The following DEPTOR variants were observed in gnomAD, a reference collection of about 807,000 sequenced individuals.
The protein encoded by DEPTOR is DEP domain containing MTOR interacting protein.
DEPTOR carries 41 observed loss-of-function variants against 41.6 expected under a neutral mutation model. The observed-to-expected ratio is 0.98, with a 90% CI of 0.77 to 1.28. The LOEUF is 1.28. DEPTOR is among the 50% of genes most tolerant of loss of function. DEPTOR has a pLI of 0.00. For synonymous variants in DEPTOR, 195 were observed against 192.3 expected (o/e 1.01, Z -0.12); for missense variants, 514 against 527.9 (o/e 0.97, Z 0.26).
At chr8:119,903,572 C>T (rs192782559) in intron 1 of DEPTOR, among the ~76,000 whole-genome samples, 2 of 152,278 alleles carry the variant, frequency 1.3e-5, no homozygotes, top group East Asian at 3.9e-4. Flanking sequence ...AATCCAGCTC[C>T]TTTAAAGGAC....
chr8:119,991,120 T>G (rs7836124), intron 4 of DEPTOR, among the ~76,000 whole-genome samples: 1 of 76,206 alleles, frequency 1.3e-5, no homozygotes. Context: ...TTCTTTCTTT[T>G]TTTTTTAAAT....
intron 1 of DEPTOR, among the ~76,000 whole-genome samples, chr8:119,915,407 G>A (rs1451783163): frequency 6.6e-6 from 1 of 152,218 alleles, no homozygotes; most frequent in African/African-American, 2.4e-5. Flanking sequence ...GCAATGCAGT[G>A]TCTTTCTCAA....
chr8:119,929,195 T>C (rs1180004915), intron 2 of DEPTOR, among the ~76,000 whole-genome samples: 2 of 152,232 alleles, frequency 1.3e-5, no homozygotes, highest in Admixed American at 6.5e-5. Flanking sequence ...ACATGTCTTC[T>C]TGAAATCTCT....
chr8:119,928,520 C>G lies in DEPTOR; in HGVS notation c.243C>G (p.Asp81Glu). 6.2e-7 allele frequency: 1 copy of G among 1,614,162 alleles called. No homozygotes were observed. Among genetic ancestry groups the G allele is most frequent in the Non-Finnish European group, 8.5e-7 (1 of 1,180,016 alleles). ...DWLIEHKEAS[D>E]RETAIKLMQK... ...TGATTGAACACAAAGAGGCTTCTGA[C>G]AGAGAGACGGCAATTAAACTCATGC... is the stretch of plus-strand genomic sequence containing the variant. The change falls in exon 2 of 9, where the codon GAC becomes GAG. Residue 81 changes from aspartate (D) to glutamate (E), a missense_variant. Asp to Glu is a conservative substitution (Grantham distance 45). Coordinates refer to ENST00000286234, the MANE Select transcript of DEPTOR (RefSeq NM_022783.4).
At chr8:120,011,863 A>G (rs1018352313) in intron 8 of DEPTOR, among the ~76,000 whole-genome samples, 8 of 152,204 alleles carry the variant, frequency 5.3e-5, no homozygotes, top group South Asian at 2.1e-4. Context: ...AGAGGTACAC[A>G]GTGGTTTTCT....
At chr8:119,942,019 TC>T (rs1828210449) in intron 3 of DEPTOR, among the ~76,000 whole-genome samples, 1 of 152,208 alleles carries the variant, frequency 6.6e-6, no homozygotes, top group Non-Finnish European at 1.5e-5. Flanking sequence ...GGAAATCACA[TC>T]CTTCTTACCG....
chr8:119,893,672 T>C (rs1827478443), intron 1 of DEPTOR, among the ~76,000 whole-genome samples: 1 of 151,778 alleles, frequency 6.6e-6, no homozygotes, highest in African/African-American at 2.4e-5. Context: ...TTACTAAAAA[T>C]ACAAAAATTA....
intron 4 of DEPTOR, among the ~76,000 whole-genome samples, chr8:119,985,123 A>G (rs532460386): frequency 3.2e-4 from 48 of 152,332 alleles, no homozygotes; most frequent in African/African-American, 1.1e-3. Flanking sequence ...CAGTGAGCCA[A>G]GATCACGCCA....
chr8:119,944,657 C>CTT lies in DEPTOR; in HGVS notation c.425+14734_425+14735dup, dbSNP rs11428615. On this transcript the variant is annotated intron_variant, in intron 3 of 8. Coordinates refer to ENST00000286234, the MANE Select transcript of DEPTOR (RefSeq NM_022783.4). ...TGATTGCATGGTAATTCTTTCTTTTCTTTTTTTTTTTTTTTTGAGACAGAG... is the reference window on the plus strand; with the variant it reads ...TGATTGCATGGTAATTCTTTCTTTTCTTTTTTTTTTTTTTTTTTGAGACAGAG... Among the ~76,000 whole-genome samples, 1,097 of 136,954 alleles carry CTT rather than the reference C, an allele frequency of 8.0e-3. 10 individuals are homozygous for CTT. The highest frequency in any genetic ancestry group is 0.017 in the African/African-American group (647 of 37,062). The allele number at this position is 136,954 out of a possible 152,430, so 89.8% of individuals were successfully genotyped here. A position where few individuals can be genotyped will look rare whatever the true frequency, so the allele number is the denominator to read the frequency against.
At chr8:119,905,922 C>A (rs908390906) in intron 1 of DEPTOR, among the ~76,000 whole-genome samples, 4 of 152,104 alleles carry the variant, frequency 2.6e-5, no homozygotes, top group Admixed American at 2.6e-4. Flanking sequence ...GGATTAAAGG[C>A]GCAAGCCACT....
chr8:119,933,407 G>A (rs572755149), intron 3 of DEPTOR, among the ~76,000 whole-genome samples: 2 of 149,578 alleles, frequency 1.3e-5, no homozygotes, highest in East Asian at 2.0e-4. Context: ...CAGGAGAATC[G>A]CTTGAACCTG....
rs1813208799 is a variant in DEPTOR at position 120,049,806 on chromosome 8, G to C, written c.*102G>C. 1 of 1,482,370 alleles carries C rather than the reference G, an allele frequency of 6.7e-7. No homozygotes were observed. The allele number at this position is 1,482,370 out of a possible 1,614,324, so 91.8% of individuals were successfully genotyped here. ...ATTGCCATGCAAATGGATGGTTTTG[G>C]ACATACGAGTCTTCTCCGCACATAC... On this transcript the variant is annotated 3_prime_UTR_variant, in exon 9 of 9. Transcript: ENST00000286234.
chr8:119,935,270 A>T (rs77283752), intron 3 of DEPTOR, among the ~76,000 whole-genome samples: 2,311 of 152,286 alleles, frequency 0.015, 62 homozygotes, highest in African/African-American at 0.053. Flanking sequence ...CCCAAACAGT[A>T]CAATTTTTAC....
chr8:119,920,092 A>AG (rs201000719), intron 1 of DEPTOR, among the ~76,000 whole-genome samples: 5 of 137,770 alleles, frequency 3.6e-5, no homozygotes, highest in South Asian at 4.8e-4. Context: ...AATAATAGGA[A>AG]GGTTTTTTTT....
chr8:119,900,359 T>G (rs1335937220), intron 1 of DEPTOR, among the ~76,000 whole-genome samples: 2 of 127,160 alleles, frequency 1.6e-5, no homozygotes, highest in South Asian at 2.8e-4. Flanking sequence ...AAAAACTAAA[T>G]GTCTATTACA....
intron 1 of DEPTOR, among the ~76,000 whole-genome samples, chr8:119,902,942 C>A (rs1274878966): frequency 1.3e-4 from 20 of 152,128 alleles, no homozygotes; most frequent in Admixed American, 1.3e-3. Context: ...CACGAAAGAA[C>A]CTGTACATTT....
In DEPTOR at chr8:120,038,344, A is replaced by G. The variant is rs190028556; in HGVS notation, c.1102-11232A>G. 5.8e-3 allele frequency among the ~76,000 whole-genome samples: 886 copies of G among 151,702 alleles called. 11 individuals carry two copies. Among genetic ancestry groups the G allele is most frequent in the African/African-American group, 0.02 (844 of 41,396 alleles). On this transcript the variant is annotated intron_variant, in intron 8 of 8. Coordinates refer to ENST00000286234, the MANE Select transcript of DEPTOR (RefSeq NM_022783.4). ...GCCTGGCACAAAGGCTCAGGCCTGTAATCCCAGCACTTTGGGAGGCCAAGG... is the reference window on the plus strand; with the variant it reads ...GCCTGGCACAAAGGCTCAGGCCTGTGATCCCAGCACTTTGGGAGGCCAAGG...
intron 1 of DEPTOR, among the ~76,000 whole-genome samples, chr8:119,898,955 G>T (rs1827554187): frequency 6.6e-6 from 1 of 152,262 alleles, no homozygotes; most frequent in African/African-American, 2.4e-5. Context: ...TCTCTGTGCA[G>T]CCTGTGCCAA....
intron 8 of DEPTOR, among the ~76,000 whole-genome samples, chr8:120,020,558 A>T (rs928485303): frequency 1.3e-5 from 2 of 151,946 alleles, no homozygotes; most frequent in South Asian, 2.1e-4. Flanking sequence ...CATTCTTTTC[A>T]TCTGACACAT....
Sources: gnomAD v4.1 joint callset for allele counts (sites outside exome capture counted in the v4.1 genomes callset) on GRCh38, gnomAD v4.1.1 for gene constraint, MANE v1.5 for transcripts, NCBI Gene and HGNC (gene_info 2026-07-23, HGNC 2026-07-21) for gene names.